SHOC1: variants seen among roughly 807,000 people sequenced by gnomAD.
SHOC1 encodes shortage in chiasmata 1.
A neutral mutation model predicts 179.2 loss-of-function variants in SHOC1; 136 were observed. The observed-to-expected ratio is 0.76, with a 90% CI of 0.66 to 0.87. The LOEUF (loss-of-function observed/expected upper bound fraction) is 0.87. SHOC1 is among the 40% of genes least tolerant of loss of function. The probability of loss-of-function intolerance (pLI) is 0.00; values close to 1 mark genes in which losing one functional copy is unlikely to be tolerated. For missense variants in SHOC1, 1,538 were observed against 1,700.8 expected (o/e 0.90, Z 1.68); for synonymous variants, 489 against 586.6 (o/e 0.83, Z 2.41).
intron 15 of SHOC1, among the ~76,000 whole-genome samples, chr9:111,721,070 T>C (rs546567078): frequency 1.1e-4 from 17 of 152,318 alleles, no homozygotes; most frequent in Non-Finnish European, 1.5e-4. Context: ...TCCTTGGAGA[T>C]AGTTTGATCC....
At position 111,747,503 on chromosome 9, in the gene SHOC1, G is replaced by A. The variant is rs552665262; in HGVS notation, c.970+589C>T. The stretch of plus-strand genomic sequence containing the variant: ...ATTTACTGAGCTATAATATTTTAAG[G>A]TTTCTACTTTTAATATTAATGCTAT... On this transcript the variant is annotated intron_variant, in intron 9 of 27. Coordinates refer to ENST00000682961, the MANE Select transcript of SHOC1 (RefSeq NM_001378211.1). 2.6e-5 allele frequency among the ~76,000 whole-genome samples: 4 copies of A among 152,130 alleles called. No individual in the cohort carries two copies. The South Asian group carries it at 8.3e-4, about 32-fold the overall frequency.
chr9:111,719,765 T>C (rs1832953049), intron 15 of SHOC1, among the ~76,000 whole-genome samples: 1 of 152,174 alleles, frequency 6.6e-6, no homozygotes, highest in Non-Finnish European at 1.5e-5. Context: ...ACTACTACTG[T>C]GACCTCGCGG....
rs1208148787 is a variant in SHOC1 at position 111,694,251 on chromosome 9, G to C, written c.3295C>G (p.Leu1099Val). Residue 1099 changes from leucine to valine, a missense_variant, in exon 25 of 28, where the codon CTT becomes GTT. Physicochemically the swap from Leu to Val is conservative, Grantham distance 32. Coordinates refer to ENST00000682961, the MANE Select transcript of SHOC1 (RefSeq NM_001378211.1). ...DPHEWLDKSW[L>V]KVSPSEEEMY... The stretch of plus-strand genomic sequence containing the variant: ...TATACCTCAGATGGTGAAACTTTAA[G>C]CCAGGATTTATCCAACCATTCATGA... 4 of 1,608,572 alleles carry C rather than the reference G, an allele frequency of 2.5e-6. No individual in the cohort carries two copies. Among genetic ancestry groups the C allele is most frequent in the Non-Finnish European group, 3.4e-6 (4 of 1,177,018 alleles).
chr9:111,781,168 A>G (rs767917920), intron 3 of SHOC1, 151 bp from the exon 4 acceptor site: 7 of 614,906 alleles, frequency 1.1e-5, no homozygotes, highest in East Asian at 2.9e-5. Context: ...AAATATTTGA[A>G]TAGTCATCCT....
chr9:111,747,755 T>C (rs941777189), intron 9 of SHOC1, among the ~76,000 whole-genome samples: 1 of 152,072 alleles, frequency 6.6e-6, no homozygotes, highest in African/African-American at 2.4e-5. Context: ...TGGCTAATTT[T>C]TGTAATTTTA....
At chr9:111,713,896 A>C (rs1832663673) in intron 17 of SHOC1, among the ~76,000 whole-genome samples, 1 of 152,246 alleles carries the variant, frequency 6.6e-6, no homozygotes, top group South Asian at 2.1e-4. Context: ...TTGGTATTTT[A>C]AAATAAATCA....
rs374143669 is a variant in SHOC1 at position 111,766,553 on chromosome 9, AC to A, written c.443-7706del. ...CACATCCTTGCTGGCATCTGTTATTACCTTTTTGATACAAGCCATTTTAACT... is the reference window on the plus strand; with the variant it reads ...CACATCCTTGCTGGCATCTGTTATTACTTTTTGATACAAGCCATTTTAACT... On this transcript the variant is annotated intron_variant, in intron 5 of 27. Coordinates refer to ENST00000682961, the MANE Select transcript of SHOC1 (RefSeq NM_001378211.1). Among the ~76,000 whole-genome samples the A allele has an allele frequency of 4.7e-3, 715 of 151,612 alleles. 3 individuals are homozygous for A. The highest frequency in any genetic ancestry group is 8.2e-3 in the Non-Finnish European group (556 of 67,890).
intron 15 of SHOC1, among the ~76,000 whole-genome samples, chr9:111,721,936 T>G (rs13293712): frequency 0.055 from 8,342 of 152,266 alleles, 561 homozygotes; most frequent in African/African-American, 0.16. Flanking sequence ...CTGTTCTTCA[T>G]TGCCTGATGT....
chr9:111,743,241 C>T (rs1321970560), intron 10 of SHOC1, among the ~76,000 whole-genome samples: 2 of 151,890 alleles, frequency 1.3e-5, no homozygotes, highest in African/African-American at 4.8e-5. Context: ...ATTTTAACAC[C>T]TTTTCTCCTT....
At chr9:111,737,005 A>G (rs1788401441) in intron 12 of SHOC1, among the ~76,000 whole-genome samples, 1 of 152,212 alleles carries the variant, frequency 6.6e-6, no homozygotes, top group African/African-American at 2.4e-5. Context: ...CAAAGCTACA[A>G]TGAGGTACCA....
chr9:111,780,977 G>T lies in SHOC1; in HGVS notation c.210C>A (p.Val70=), dbSNP rs1328299299. The T allele has an allele frequency of 6.2e-7, 1 of 1,613,494 alleles. No individual in the cohort carries two copies. The highest frequency in any genetic ancestry group is 1.3e-5 in the African/African-American group (1 of 74,886). Residue 70 remains valine, a synonymous_variant, in exon 4 of 28, where the codon GTC becomes GTA. Coordinates refer to ENST00000682961, the MANE Select transcript of SHOC1 (RefSeq NM_001378211.1). ...AGAAACTTGCTTTCCATTGGTCCAA[G>T]ACTGAGGTATCTGTCATTCCCGGAA... The part of the protein sequence containing the change: ...VSVPGMTDTS[V]LDQWKASFFV...
At chr9:111,790,589 G>T (rs759492409) in intron 2 of SHOC1, among the ~76,000 whole-genome samples, 2 of 151,778 alleles carry the variant, frequency 1.3e-5, no homozygotes, top group Non-Finnish European at 2.9e-5. Context: ...CTGTTGCCCA[G>T]ACTGGAGGGC....
chr9:111,725,923 T>A (rs558163879), intron 13 of SHOC1, among the ~76,000 whole-genome samples: 1 of 152,268 alleles, frequency 6.6e-6, no homozygotes, highest in South Asian at 2.1e-4. Context: ...TACCCTATCA[T>A]AAGCCATTAT....
Position 111,746,156 on chromosome 9 carries a change from G to A in SHOC1, c.1079+78C>T. ...TTTTCATAGAGGTATCTTGGAAATT[G>A]CTTTTATATGGAGAGATTTAAATAA... On this transcript the variant is annotated intron_variant, in intron 10 of 27. Transcript: ENST00000682961. The A allele has an allele frequency of 3.3e-6, 3 of 896,514 alleles. No homozygotes were observed. In the South Asian group the frequency reaches 4.8e-5, roughly 14 times the overall value. The allele number at this position is 896,514 out of a possible 1,614,324, so 55.5% of individuals were successfully genotyped here.
rs746766448 is a variant in SHOC1, at chr9:111,741,507, A to T, written c.1143T>A (p.Cys381Ter). 7.4e-6 allele frequency: 12 copies of T among 1,612,400 alleles called. No individual in the cohort carries two copies. The highest frequency in any genetic ancestry group is 1.0e-5 in the Non-Finnish European group (12 of 1,178,922). Residue 381 changes from cysteine to a stop codon, truncating the protein, a stop_gained, in exon 11 of 28, where the codon TGT (cysteine) becomes TGA (stop). Coordinates refer to ENST00000682961, the MANE Select transcript of SHOC1 (RefSeq NM_001378211.1). LOFTEE classifies it high-confidence loss of function. ...EYYMMWQLER[C>*]RSPLNPFLLT... Reference sequence around the variant, plus strand: ...GCAAAAATGGGTTCAAAGGGCTTCTACATCTTTCTAATTGCCACATCATGT... The same window carrying T: ...GCAAAAATGGGTTCAAAGGGCTTCTTCATCTTTCTAATTGCCACATCATGT...
At chr9:111,751,164 G>A (rs1037417705) in intron 8 of SHOC1, among the ~76,000 whole-genome samples, 1 of 152,098 alleles carries the variant, frequency 6.6e-6, no homozygotes, top group South Asian at 2.1e-4. Context: ...TAGGTGTGTG[G>A]TCTTATTTGA....
At chr9:111,761,984 T>C (rs529545066) in intron 5 of SHOC1, among the ~76,000 whole-genome samples, 5 of 152,294 alleles carry the variant, frequency 3.3e-5, no homozygotes, top group Admixed American at 6.5e-5. Flanking sequence ...AAAGCACTTA[T>C]ACTAAATAGA....
intron 12 of SHOC1, among the ~76,000 whole-genome samples, chr9:111,731,930 G>A: frequency 6.6e-6 from 1 of 151,984 alleles, no homozygotes; most frequent in East Asian, 1.9e-4. Context: ...ACTTCCATTT[G>A]TAAAAGACAC....
intron 23 of SHOC1, 82 bp downstream of exon 23, chr9:111,702,023 T>C: frequency 1.0e-6 from 1 of 992,882 alleles, no homozygotes; most frequent in Admixed American, 2.9e-5. Context: ...TGCAGAAAAT[T>C]GCATAGCCAT....
Sources: gnomAD v4.1 joint callset for allele counts (sites outside exome capture counted in the v4.1 genomes callset) on GRCh38, gnomAD v4.1.1 for gene constraint, MANE v1.5 for transcripts, NCBI Gene and HGNC (gene_info 2026-07-23, HGNC 2026-07-21) for gene names.